The following STXBP5L variants were observed in gnomAD, a reference collection of about 807,000 sequenced individuals.
STXBP5L encodes the protein syntaxin-binding protein 5-like.
In STXBP5L, 65 loss-of-function variants were observed where a neutral mutation model predicts 144.5. The observed-to-expected ratio is 0.45, with a 90% CI of 0.37 to 0.55. The LOEUF is 0.55. STXBP5L is among the 20% of genes least tolerant of loss of function. The probability of loss-of-function intolerance (pLI) is 0.00; values close to 1 mark genes in which losing one functional copy is unlikely to be tolerated. For synonymous variants in STXBP5L, 505 were observed against 469.6 expected (o/e 1.08, Z -0.97); for missense variants, 1,298 against 1,405.5 (o/e 0.92, Z 1.22).
intron 9 of STXBP5L, among the ~76,000 whole-genome samples, chr3:121,188,817 T>G (rs1324573147): frequency 6.6e-6 from 1 of 152,156 alleles, no homozygotes; most frequent in African/African-American, 2.4e-5. Flanking sequence ...CTCCAAATAA[T>G]AAGAGCTATT....
At chr3:121,055,398 A>G (rs1451888827) in intron 5 of STXBP5L, among the ~76,000 whole-genome samples, 3 of 152,108 alleles carry the variant, frequency 2.0e-5, no homozygotes, top group Non-Finnish European at 4.4e-5. Context: ...TTTATACTAT[A>G]AATTTTAGCT....
intron 3 of STXBP5L, among the ~76,000 whole-genome samples, chr3:120,987,722 A>G (rs1164614269): frequency 2.0e-5 from 3 of 151,702 alleles, no homozygotes; most frequent in Non-Finnish European, 4.4e-5. Context: ...TAAAATTTAC[A>G]TTTCTACATT....
At chr3:121,094,012 C>T (rs542787868) in intron 5 of STXBP5L, among the ~76,000 whole-genome samples, 2 of 152,088 alleles carry the variant, frequency 1.3e-5, no homozygotes, top group Non-Finnish European at 2.9e-5. Flanking sequence ...TTTATTTCTG[C>T]CTTCATTTTG....
intron 7 of STXBP5L, among the ~76,000 whole-genome samples, chr3:121,149,419 G>T (rs1309263365): frequency 6.6e-6 from 1 of 151,824 alleles, no homozygotes. Context: ...ACCAAAGTCA[G>T]GAAGAAGGCA....
chr3:120,982,717 T>G (rs930264818), intron 3 of STXBP5L, among the ~76,000 whole-genome samples: 1 of 152,208 alleles, frequency 6.6e-6, no homozygotes, highest in Non-Finnish European at 1.5e-5. Context: ...TTTTGGCATG[T>G]GCAAGTGCAT....
intron 20 of STXBP5L, among the ~76,000 whole-genome samples, chr3:121,363,789 C>A (rs1363715030): frequency 4.6e-5 from 7 of 151,938 alleles, no homozygotes; most frequent in Admixed American, 1.3e-4. Flanking sequence ...AGCTTGGTGT[C>A]CTTGCTGGGG....
intron 19 of STXBP5L, among the ~76,000 whole-genome samples, chr3:121,314,347 C>T (rs1442855733): frequency 7.2e-6 from 1 of 138,516 alleles, no homozygotes; most frequent in Non-Finnish European, 1.6e-5. Context: ...ATCCCGGCAC[C>T]TCGGGAGGCC....
intron 18 of STXBP5L, among the ~76,000 whole-genome samples, chr3:121,269,812 T>A (rs1435383068): frequency 6.6e-6 from 1 of 152,190 alleles, no homozygotes; most frequent in East Asian, 1.9e-4. Flanking sequence ...AACATAACTG[T>A]AAATGCCTTC....
At chr3:121,390,287 A>C (rs758867196) in intron 22 of STXBP5L, among the ~76,000 whole-genome samples, 1 of 152,074 alleles carries the variant, frequency 6.6e-6, no homozygotes, top group Non-Finnish European at 1.5e-5. Context: ...GCGTCTTTGC[A>C]TGTGAGATGG....
chr3:121,183,530 C>A (rs1192334486), intron 9 of STXBP5L, among the ~76,000 whole-genome samples: 1 of 150,980 alleles, frequency 6.6e-6, no homozygotes, highest in South Asian at 2.1e-4. Flanking sequence ...ATCAAGAACA[C>A]AGCCCCTTTT....
At chr3:121,189,403 G>C (rs2047541428) in intron 9 of STXBP5L, among the ~76,000 whole-genome samples, 1 of 152,200 alleles carries the variant, frequency 6.6e-6, no homozygotes, top group Non-Finnish European at 1.5e-5. Context: ...TTTGTATAAA[G>C]TGTAAGGAAG....
At chr3:121,114,056 G>C (rs2044129006) in intron 5 of STXBP5L, among the ~76,000 whole-genome samples, 1 of 152,094 alleles carries the variant, frequency 6.6e-6, no homozygotes, top group Non-Finnish European at 1.5e-5. Context: ...TTATTGGTCT[G>C]TCTGACAAGA....
intron 18 of STXBP5L, among the ~76,000 whole-genome samples, chr3:121,269,220 C>CT (rs2050666297): frequency 6.6e-6 from 1 of 151,714 alleles, no homozygotes; most frequent in African/African-American, 2.4e-5. Flanking sequence ...TGGCCGAAGT[C>CT]TAACTAGGAA....
At chr3:121,121,320 T>C (rs545065153) in intron 6 of STXBP5L, among the ~76,000 whole-genome samples, 84 of 151,398 alleles carry the variant, frequency 5.5e-4, no homozygotes, top group Middle Eastern at 3.4e-3. Flanking sequence ...CTTTTATCTA[T>C]GTAAATAAAA....
intron 3 of STXBP5L, among the ~76,000 whole-genome samples, chr3:121,029,984 T>G (rs1178897026): frequency 6.6e-6 from 1 of 152,116 alleles, no homozygotes; most frequent in South Asian, 2.1e-4. Flanking sequence ...TGAGATACCA[T>G]CTCATGCCAG....
At chr3:121,176,795 TGAA>T in intron 9 of STXBP5L, among the ~76,000 whole-genome samples, 1 of 151,056 alleles carries the variant, frequency 6.6e-6, no homozygotes, top group South Asian at 2.1e-4. Flanking sequence ...AAACATGAAA[TGAA>T]GGAGTTTTTT....
intron 20 of STXBP5L, among the ~76,000 whole-genome samples, chr3:121,362,456 C>A (rs191722234): frequency 6.6e-6 from 1 of 152,128 alleles, no homozygotes; most frequent in African/African-American, 2.4e-5. Flanking sequence ...AAGACAGAGT[C>A]CTTCCTACTC....
intron 3 of STXBP5L, among the ~76,000 whole-genome samples, chr3:120,967,019 C>T (rs1263823025): frequency 6.6e-6 from 1 of 152,044 alleles, no homozygotes; most frequent in Non-Finnish European, 1.5e-5. Flanking sequence ...ACGCCCTTCC[C>T]CTAGCCAGGC....
intron 2 of STXBP5L, among the ~76,000 whole-genome samples, chr3:120,914,706 A>G (rs1326324563): frequency 6.6e-6 from 1 of 152,128 alleles, no homozygotes; most frequent in Non-Finnish European, 1.5e-5. Context: ...ATCCATAAAA[A>G]GAATAATAGA....
Sources: gnomAD v4.1 joint callset for allele counts (sites outside exome capture counted in the v4.1 genomes callset) on GRCh38, gnomAD v4.1.1 for gene constraint, MANE v1.5 for transcripts, NCBI Gene and HGNC (gene_info 2026-07-23, HGNC 2026-07-21) for gene names.